The following SLC26A7 variants were observed in gnomAD, a reference collection of about 807,000 sequenced individuals.
SLC26A7 encodes anion exchange transporter.
SLC26A7 carries 59 observed loss-of-function variants against 82.5 expected under a neutral mutation model. The observed-to-expected ratio is 0.72, with a 90% CI of 0.58 to 0.89. The LOEUF is 0.89. SLC26A7 is among the 40% of genes least tolerant of loss of function. SLC26A7 has a pLI of 0.00. For synonymous variants in SLC26A7, 271 were observed against 274.3 expected (o/e 0.99, Z 0.12); for missense variants, 820 against 793.0 (o/e 1.03, Z -0.41).
Position 91,338,151 on chromosome 8 carries a change from T to G in SLC26A7, c.797T>G (p.Ile266Ser). The G allele has an allele frequency of 6.2e-7, 1 of 1,607,890 alleles. No homozygotes were observed. ...CTTTTTTCAAATGGAACCACACAGA[T>G]TATTGCTGCATCATTTGCTTGTTAT... ...KVVLPVDLVLIIAASFACYCT... is the reference protein window; with the variant it reads ...KVVLPVDLVLSIAASFACYCT... The change falls in exon 7 of 19, where the codon ATT (isoleucine) becomes AGT (serine). Residue 266 changes from isoleucine (I) to serine (S), a missense_variant and splice_region_variant. Physicochemically the swap from Ile to Ser is moderately radical, Grantham distance 142 (BLOSUM62 -2). Transcript: ENST00000276609.
At chr8:91,383,347 A>T (rs1434072540) in intron 15 of SLC26A7, among the ~76,000 whole-genome samples, 1 of 152,180 alleles carries the variant, frequency 6.6e-6, no homozygotes, top group Non-Finnish European at 1.5e-5. Flanking sequence ...GAGTTTAGGT[A>T]GGACAATGGT....
chr8:91,306,089 A>G (rs969777932), intron 4 of SLC26A7, among the ~76,000 whole-genome samples: 1 of 152,074 alleles, frequency 6.6e-6, no homozygotes, highest in African/African-American at 2.4e-5. Context: ...ATTTTCTGTT[A>G]CTCACTTTTG....
chr8:91,239,517 A>G (rs1241450567), intron 2 of SLC26A7, among the ~76,000 whole-genome samples: 1 of 151,386 alleles, frequency 6.6e-6, no homozygotes, highest in African/African-American at 2.4e-5. Flanking sequence ...CATATATATG[A>G]GAAAATATTT....
intron 14 of SLC26A7, among the ~76,000 whole-genome samples, chr8:91,368,413 G>GTTTTT (rs565439844): frequency 4.1e-5 from 6 of 144,988 alleles, no homozygotes; most frequent in Non-Finnish European, 6.0e-5. Flanking sequence ...TTCAGATGAG[G>GTTTTT]TTTTTTTTTT....
At chr8:91,386,540 GTCAGTGGTTTAAGTCTT>G (rs1449448564) in intron 15 of SLC26A7, among the ~76,000 whole-genome samples, 4 of 152,172 alleles carry the variant, frequency 2.6e-5, no homozygotes, top group Admixed American at 2.6e-4. Context: ...TGTCAAATAT[GTCAGTGGTTTAAGTCTT>G]TCATTTAATC....
chr8:91,216,503 G>A (rs146745668), intron 1 of SLC26A7, among the ~76,000 whole-genome samples: 9 of 152,006 alleles, frequency 5.9e-5, no homozygotes, highest in Admixed American at 5.9e-4. Flanking sequence ...TCTATTAATT[G>A]TTCAGGTTTC....
chr8:91,291,118 T>A (rs1182442587), intron 3 of SLC26A7, among the ~76,000 whole-genome samples: 2 of 152,194 alleles, frequency 1.3e-5, no homozygotes, highest in Non-Finnish European at 2.9e-5. Context: ...ATGGATGTTC[T>A]ATTTATTAGG....
At chr8:91,371,399 C>T (rs1298055885) in intron 15 of SLC26A7, among the ~76,000 whole-genome samples, 1 of 151,764 alleles carries the variant, frequency 6.6e-6, no homozygotes, top group Non-Finnish European at 1.5e-5. Context: ...TCCTACCCTC[C>T]CTACTTTTGG....
rs184226732 is a variant in SLC26A7 at position 91,290,900 on chromosome 8, A to C, written c.304+1654A>C. Among the ~76,000 whole-genome samples the C allele has an allele frequency of 1.1e-4, 16 of 152,268 alleles. No homozygotes were observed. In the East Asian group the frequency reaches 2.9e-3, roughly 28 times the overall value. On this transcript the variant is annotated intron_variant, in intron 3 of 18. Transcript: ENST00000276609. The stretch of plus-strand genomic sequence containing the variant: ...CAATCACTTACAACATTTCTGCCTA[A>C]AGTGTGGCTCATGAACCAGCAGGTT...
intron 15 of SLC26A7, among the ~76,000 whole-genome samples, chr8:91,384,049 C>T (rs190909251): frequency 6.6e-5 from 10 of 152,274 alleles, no homozygotes; most frequent in African/African-American, 2.2e-4. Context: ...TATTAGTTTC[C>T]TGTTGCTGCT....
intron 15 of SLC26A7, among the ~76,000 whole-genome samples, chr8:91,372,409 A>G (rs1026472066): frequency 1.3e-5 from 2 of 151,936 alleles, no homozygotes; most frequent in Admixed American, 1.3e-4. Context: ...TAATTTTTGT[A>G]TATGATGGAA....
intron 2 of SLC26A7, among the ~76,000 whole-genome samples, chr8:91,261,120 G>C (rs1201260868): frequency 6.6e-6 from 1 of 152,062 alleles, no homozygotes; most frequent in East Asian, 1.9e-4. Flanking sequence ...GATTTTTTAT[G>C]TGTAATTCTT....
intron 2 of SLC26A7, among the ~76,000 whole-genome samples, chr8:91,233,554 G>A (rs751377827): frequency 5.3e-5 from 8 of 151,348 alleles, no homozygotes; most frequent in African/African-American, 7.3e-5. Context: ...GCAACAGAGC[G>A]GGATTCTGTG....
chr8:91,292,384 T>C (rs896486432), intron 3 of SLC26A7, among the ~76,000 whole-genome samples: 10 of 152,300 alleles, frequency 6.6e-5, no homozygotes, highest in Non-Finnish European at 1.3e-4. Context: ...AATTATGTTT[T>C]GACCTTCCTT....
intron 15 of SLC26A7, among the ~76,000 whole-genome samples, chr8:91,371,336 C>T (rs1403904315): frequency 1.3e-5 from 2 of 151,752 alleles, no homozygotes; most frequent in African/African-American, 4.8e-5. Flanking sequence ...GATGATTACA[C>T]TGGTATATTG....
intron 2 of SLC26A7, among the ~76,000 whole-genome samples, chr8:91,237,434 A>C (rs1350979018): frequency 1.3e-5 from 2 of 151,936 alleles, no homozygotes; most frequent in African/African-American, 2.4e-5. Flanking sequence ...TTAACAAAAA[A>C]CTCAATTTCT....
intron 9 of SLC26A7, among the ~76,000 whole-genome samples, chr8:91,351,546 T>C (rs1202508528): frequency 6.6e-6 from 1 of 152,198 alleles, no homozygotes; most frequent in Non-Finnish European, 1.5e-5. Flanking sequence ...TAAAAGTTGA[T>C]GGTGTCCTGT....
intron 3 of SLC26A7, among the ~76,000 whole-genome samples, chr8:91,294,323 C>T (rs937723813): frequency 1.3e-5 from 2 of 152,096 alleles, no homozygotes; most frequent in African/African-American, 4.8e-5. Flanking sequence ...TAGACAAAAA[C>T]ATTGAGGTGA....
At position 91,240,052 on chromosome 8, in the gene SLC26A7, G is replaced by T. The variant is rs59911857; in HGVS notation, c.-33-9567G>T. On this transcript the variant is annotated intron_variant, in intron 2 of 5. Coordinates refer to the SLC26A7 transcript ENST00000522862. ...CTCCTGTGTGCCAAGCATTGTCCTT[G>T]GTACTCTACTTATCTAAATTCTTCC... Among the ~76,000 whole-genome samples, 938 of 152,178 alleles carry T rather than the reference G, an allele frequency of 6.2e-3. 14 individuals are homozygous for T. Among genetic ancestry groups the T allele is most frequent in the African/African-American group, 0.021 (859 of 41,532 alleles).
Sources: allele counts gnomAD v4.1 joint callset (sites outside exome capture counted in the v4.1 genomes callset), GRCh38; gene constraint gnomAD v4.1.1; transcripts MANE v1.5; gene names NCBI Gene and HGNC (gene_info 2026-07-23, HGNC 2026-07-21).